The following ZNF728 variants were observed in gnomAD, a reference collection of about 807,000 sequenced individuals.
The protein encoded by ZNF728 is zinc finger protein 728.
Under a neutral mutation model 12.5 loss-of-function variants are expected in ZNF728, and 12 were observed. The observed-to-expected ratio is 0.96, with a 90% CI of 0.61 to 1.55. The LOEUF is 1.55. Among genes scored for constraint, ZNF728 ranks in the 40% most tolerant of loss-of-function variants. The probability of loss-of-function intolerance (pLI) is 0.00; values close to 1 mark genes in which losing one functional copy is unlikely to be tolerated. For synonymous variants in ZNF728, 205 were observed against 240.7 expected (o/e 0.85, Z 1.37); for missense variants, 692 against 719.2 (o/e 0.96, Z 0.43).
chr19:22,980,206 A>G (rs552652072), intron 3 of ZNF728, among the ~76,000 whole-genome samples: 5 of 151,148 alleles, frequency 3.3e-5, no homozygotes, highest in African/African-American at 9.8e-5. Flanking sequence ...AAGAAACAAA[A>G]AAAAAAAAAA....
At chr19:22,978,764 G>A (rs1968832238) in intron 3 of ZNF728, among the ~76,000 whole-genome samples, 1 of 152,128 alleles carries the variant, frequency 6.6e-6, no homozygotes, top group Non-Finnish European at 1.5e-5. Context: ...TGCAGCAGAG[G>A]GGCCTGACTG....
At chr19:22,999,098 C>A (rs997725025) in intron 1 of ZNF728, among the ~76,000 whole-genome samples, 6 of 152,144 alleles carry the variant, frequency 3.9e-5, no homozygotes, top group African/African-American at 1.2e-4. Flanking sequence ...ATTGTCTGAT[C>A]TAAAATCTGA....
intron 3 of ZNF728, among the ~76,000 whole-genome samples, chr19:22,986,085 C>A (rs1454299088): frequency 1.3e-5 from 2 of 152,176 alleles, no homozygotes; most frequent in Non-Finnish European, 2.9e-5. Context: ...CAAGCTACAA[C>A]CCCACTCTAC....
chr19:22,994,437 C>G (rs998914289), intron 1 of ZNF728, among the ~76,000 whole-genome samples: 10 of 152,162 alleles, frequency 6.6e-5, no homozygotes, highest in Admixed American at 2.0e-4. Flanking sequence ...TGCACAGTAA[C>G]AGAACAGAAA....
At chr19:22,978,371 A>G (rs2145333297) in intron 3 of ZNF728, among the ~76,000 whole-genome samples, 1 of 152,330 alleles carries the variant, frequency 6.6e-6, no homozygotes, top group African/African-American at 2.4e-5. Context: ...TAATAGAAAA[A>G]AAACCTTTCA....
intron 3 of ZNF728, among the ~76,000 whole-genome samples, chr19:22,980,520 A>T (rs1968851072): frequency 6.6e-6 from 1 of 152,174 alleles, no homozygotes. Context: ...TCAGCTCTGG[A>T]CCAAGCAGAC....
intron 3 of ZNF728, 106 bp from the exon 4 acceptor site, chr19:22,977,216 G>A (rs1342984669): frequency 1.9e-6 from 2 of 1,050,106 alleles, no homozygotes; most frequent in East Asian, 5.3e-5. Flanking sequence ...TGACACTGCA[G>A]TATGACACAG....
rs1258063398 is a variant in ZNF728, at chr19:22,975,519, G to C, written c.1818C>G (p.His606Gln). 6.4e-7 allele frequency: 1 copy of C among 1,566,356 alleles called. No individual in the cohort carries two copies. The highest frequency in any genetic ancestry group is 1.2e-5 in the South Asian group (1 of 84,620). The change falls in exon 4 of 4, where the codon CAC becomes CAG. Residue 606 changes from histidine (H) to glutamine (Q), a missense_variant. Physicochemically the swap from His to Gln is conservative, Grantham distance 24 (BLOSUM62 0). Around this residue, in one of 3 missense-constraint regions of ZNF728, gnomAD observed 244 missense variants for 235.2 expected, o/e 1.04. Coordinates refer to ENST00000594710, the MANE Select transcript of ZNF728 (RefSeq NM_001267716.2). ...ECGKDFNQSS[H>Q]LTTHKRIHTG... ...TATGAATTCTCTTATGAGTAGTAAG[G>C]TGTGAGGATTGGTTGAAGTCTTTAC...
chr19:22,979,000 G>C (rs1307127905), intron 3 of ZNF728, among the ~76,000 whole-genome samples: 1 of 152,174 alleles, frequency 6.6e-6, no homozygotes, highest in African/African-American at 2.4e-5. Context: ...AAACTGAACA[G>C]AGAATGAGTT....
intron 3 of ZNF728, among the ~76,000 whole-genome samples, chr19:22,978,567 G>C (rs1001450099): frequency 2.5e-4 from 38 of 152,284 alleles, no homozygotes; most frequent in African/African-American, 9.1e-4. Context: ...TAATTGGGAG[G>C]CACCTCCCAG....
intron 1 of ZNF728, 119 bp downstream of exon 1, chr19:23,002,909 A>T: frequency 7.3e-7 from 1 of 1,366,864 alleles, no homozygotes; most frequent in Non-Finnish European, 1.0e-6. Context: ...GGCAAGGAGA[A>T]CACGGGGCAC....
At chr19:22,996,485 C>T (rs1969051148) in intron 1 of ZNF728, among the ~76,000 whole-genome samples, 1 of 152,160 alleles carries the variant, frequency 6.6e-6, no homozygotes, top group African/African-American at 2.4e-5. Flanking sequence ...AGAACTTACT[C>T]AGTATCTTTT....
intron 1 of ZNF728, among the ~76,000 whole-genome samples, chr19:22,993,627 T>G (rs148103051): frequency 6.6e-6 from 1 of 152,210 alleles, no homozygotes; most frequent in African/African-American, 2.4e-5. Context: ...GAACAGTGAG[T>G]GAGCTGATAC....
At chr19:22,993,488 G>C (rs1311880591) in intron 1 of ZNF728, among the ~76,000 whole-genome samples, 1 of 152,104 alleles carries the variant, frequency 6.6e-6, no homozygotes, top group Non-Finnish European at 1.5e-5. Flanking sequence ...GACACAACAT[G>C]AACATAAGCA....
intron 2 of ZNF728, among the ~76,000 whole-genome samples, chr19:22,987,965 G>A (rs1968936383): frequency 6.6e-6 from 1 of 152,122 alleles, no homozygotes; most frequent in African/African-American, 2.4e-5. Context: ...TTCTGCTCCT[G>A]CCGCCACAAG....
chr19:22,987,246 G>A, intron 3 of ZNF728, 62 bp downstream of exon 3: 1 of 1,474,778 alleles, frequency 6.8e-7, no homozygotes, highest in Non-Finnish European at 9.2e-7. Flanking sequence ...TCACTTTAAG[G>A]ACTGGCTTTC....
chr19:23,001,272 G>T (rs556908029), intron 1 of ZNF728, among the ~76,000 whole-genome samples: 1 of 152,324 alleles, frequency 6.6e-6, no homozygotes, highest in African/African-American at 2.4e-5. Context: ...GAACAGCAAT[G>T]TGTCTCCAAG....
At position 22,975,427 on chromosome 19, in the gene ZNF728, C is replaced by G. The variant is rs556086015; in HGVS notation, c.*41G>C. 1 of 1,466,522 alleles carries G rather than the reference C, an allele frequency of 6.8e-7. No individual in the cohort carries two copies. The highest frequency in any genetic ancestry group is 9.1e-7 in the Non-Finnish European group (1 of 1,094,120). 90.8% of individuals were successfully genotyped at this position (1,466,522 alleles called of 1,614,324 possible). A position where few individuals can be genotyped will look rare whatever the true frequency, so the allele number is the denominator to read the frequency against. Reference sequence around the variant, plus strand: ...CCTCCTGTATAAATACCCTTATGTTCAGTAAGGGTTAAGAACTAATTGAAA... The same window carrying G: ...CCTCCTGTATAAATACCCTTATGTTGAGTAAGGGTTAAGAACTAATTGAAA... On this transcript the variant is annotated 3_prime_UTR_variant, in exon 4 of 4. Coordinates refer to ENST00000594710, the MANE Select transcript of ZNF728 (RefSeq NM_001267716.2).
At chr19:22,978,892 A>G (rs1438936999) in intron 3 of ZNF728, among the ~76,000 whole-genome samples, 1 of 152,218 alleles carries the variant, frequency 6.6e-6, no homozygotes, top group Admixed American at 6.5e-5. Flanking sequence ...TAAATCCATA[A>G]AGATGGGGAG....
Sources: gnomAD v4.1 joint callset for allele counts (sites outside exome capture counted in the v4.1 genomes callset) on GRCh38, gnomAD v4.1.1 for gene constraint, gnomAD v4.1.1 regional missense constraint, MANE v1.5 for transcripts, NCBI Gene and HGNC (gene_info 2026-07-23, HGNC 2026-07-21) for gene names.